HCN1: variants seen among roughly 807,000 people sequenced by gnomAD.
HCN1 encodes the protein hyperpolarization activated cyclic nucleotide gated potassium channel 1, also known as potassium/sodium hyperpolarization-activated cyclic nucleotide-gated channel 1.
A neutral mutation model predicts 78.9 loss-of-function variants in HCN1; 13 were observed. The observed-to-expected ratio is 0.16, with a 90% CI of 0.11 to 0.26. HCN1 has a LOEUF of 0.26. Ranked by LOEUF, HCN1 falls within the 10% of genes least tolerant of loss-of-function variation. The pLI, the probability that HCN1 is intolerant of heterozygous loss-of-function variation, is 1.00. For missense variants in HCN1, 810 were observed against 1,154.3 expected (o/e 0.70, Z 4.32); for synonymous variants, 552 against 455.5 (o/e 1.21, Z -2.70).
At chr5:45,266,729 G>C (rs1231295463) in intron 7 of HCN1, among the ~76,000 whole-genome samples, 1 of 145,032 alleles carries the variant, frequency 6.9e-6, no homozygotes, top group Non-Finnish European at 1.5e-5. Flanking sequence ...TTTTCTCTGA[G>C]ACAAGGTTTC....
chr5:45,296,964 G>A (rs775214813), intron 6 of HCN1, among the ~76,000 whole-genome samples: 4 of 151,826 alleles, frequency 2.6e-5, no homozygotes, highest in East Asian at 1.9e-4. Context: ...AGACCAGCTC[G>A]GTCAGGGAAA....
intron 5 of HCN1, among the ~76,000 whole-genome samples, chr5:45,352,294 A>G (rs921530558): frequency 1.3e-5 from 2 of 151,526 alleles, no homozygotes. Flanking sequence ...CGAACACCGC[A>G]TGTTCTCACT....
Position 45,267,078 on chromosome 5 carries a change from A to G in HCN1, c.1783+11T>C. On this transcript the variant is annotated intron_variant, in intron 7 of 7. Coordinates refer to ENST00000303230, the MANE Select transcript of HCN1 (RefSeq NM_021072.4). ...TAAATTTTATATAAAGAAGGTAGAA[A>G]ACTAGAGTACCTATTCGATCTAGTC... 1.2e-6 allele frequency: 2 copies of G among 1,603,490 alleles called. No homozygotes were observed. Among genetic ancestry groups the G allele is most frequent in the South Asian group, 2.2e-5 (2 of 90,886 alleles).
intron 6 of HCN1, among the ~76,000 whole-genome samples, chr5:45,278,233 T>A (rs1389671291): frequency 6.6e-6 from 1 of 152,052 alleles, no homozygotes; most frequent in African/African-American, 2.4e-5. Context: ...CTTCACTCGA[T>A]AGATTACAAT....
chr5:45,451,759 G>A (rs1740923765), intron 3 of HCN1, among the ~76,000 whole-genome samples: 2 of 151,750 alleles, frequency 1.3e-5, no homozygotes, highest in Admixed American at 1.3e-4. Flanking sequence ...CAAAAACATA[G>A]TTTCTGGAAA....
At position 45,258,195 on chromosome 5, in the gene HCN1, T is replaced by A. The variant is rs1460054734; in HGVS notation, c.*3726A>T. On this transcript the variant is annotated 3_prime_UTR_variant, in exon 8 of 8. Coordinates refer to ENST00000303230, the MANE Select transcript of HCN1 (RefSeq NM_021072.4). ...TGAAAGAGGAGGTATGGAGATTTTT[T>A]AAATAGTCCTGAAAGATAATAGAGA... 6.6e-6 allele frequency: 1 copy of A among 152,172 alleles called. No homozygotes were observed. Among genetic ancestry groups the A allele is most frequent in the African/African-American group, 2.4e-5 (1 of 41,454 alleles). 9.4% of individuals were successfully genotyped at this position (152,172 alleles called of 1,614,324 possible).
At chr5:45,326,537 G>A (rs1209395331) in intron 5 of HCN1, among the ~76,000 whole-genome samples, 4 of 151,464 alleles carry the variant, frequency 2.6e-5, no homozygotes. Context: ...TTAAATAATG[G>A]CAAACTTTAG....
At chr5:45,638,933 C>G (rs1436048515) in intron 2 of HCN1, among the ~76,000 whole-genome samples, 1 of 152,104 alleles carries the variant, frequency 6.6e-6, no homozygotes, top group African/African-American at 2.4e-5. Context: ...GAACTCATTA[C>G]ATTGTACATT....
At chr5:45,316,482 C>T (rs976895004) in intron 5 of HCN1, among the ~76,000 whole-genome samples, 1 of 152,170 alleles carries the variant, frequency 6.6e-6, no homozygotes, top group African/African-American at 2.4e-5. Flanking sequence ...AAACTGGAAG[C>T]ATTCCCTTTG....
intron 2 of HCN1, among the ~76,000 whole-genome samples, chr5:45,634,614 A>T (rs944484467): frequency 6.6e-6 from 1 of 151,938 alleles, no homozygotes; most frequent in African/African-American, 2.4e-5. Flanking sequence ...TTCCCAACAC[A>T]TTGGTAATTA....
At chr5:45,311,442 G>A (rs1013586743) in intron 5 of HCN1, among the ~76,000 whole-genome samples, 1 of 152,054 alleles carries the variant, frequency 6.6e-6, no homozygotes, top group Non-Finnish European at 1.5e-5. Flanking sequence ...TAGAAAATTT[G>A]TTTAAACATC....
chr5:45,380,042 G>A (rs1408342418), intron 4 of HCN1, among the ~76,000 whole-genome samples: 1 of 152,036 alleles, frequency 6.6e-6, no homozygotes, highest in Admixed American at 6.6e-5. Context: ...GGATCCATTT[G>A]TCTTAGTCCA....
At chr5:45,630,104 A>G (rs1185626800) in intron 2 of HCN1, among the ~76,000 whole-genome samples, 3 of 152,140 alleles carry the variant, frequency 2.0e-5, no homozygotes, top group Non-Finnish European at 4.4e-5. Context: ...CTTGGGAGGG[A>G]GATCATATGG....
chr5:45,358,416 A>G (rs1161160580), intron 4 of HCN1, among the ~76,000 whole-genome samples: 1 of 152,064 alleles, frequency 6.6e-6, no homozygotes, highest in Admixed American at 6.6e-5. Context: ...AATCCTTAAG[A>G]CATCACCAAA....
Position 45,434,434 on chromosome 5 carries a change from G to T in HCN1, c.1011+27412C>A, listed in dbSNP as rs528409882. ...AAAGACTATTTGCATGTTAGACAAA[G>T]CTTATTCAGTAGGAATCAAGATGGA... On this transcript the variant is annotated intron_variant, in intron 3 of 7. Coordinates refer to ENST00000303230, the MANE Select transcript of HCN1 (RefSeq NM_021072.4). Among the ~76,000 whole-genome samples the T allele has an allele frequency of 1.2e-3, 189 of 152,274 alleles. 1 individual carries two copies. The highest frequency in any genetic ancestry group is 4.4e-3 in the African/African-American group (184 of 41,552).
intron 2 of HCN1, among the ~76,000 whole-genome samples, chr5:45,607,375 A>T (rs1459434287): frequency 6.6e-6 from 1 of 151,648 alleles, no homozygotes; most frequent in Non-Finnish European, 1.5e-5. Flanking sequence ...GAAATCTCAA[A>T]TTTTTGCAAA....
intron 5 of HCN1, among the ~76,000 whole-genome samples, chr5:45,327,111 G>T (rs1403160926): frequency 2.0e-5 from 3 of 151,598 alleles, no homozygotes; most frequent in Non-Finnish European, 4.4e-5. Context: ...TTTGATTTTT[G>T]TAAGGTCCAG....
chr5:45,487,938 AAC>A (rs1229159257), intron 2 of HCN1, among the ~76,000 whole-genome samples: 1 of 152,122 alleles, frequency 6.6e-6, no homozygotes, highest in Non-Finnish European at 1.5e-5. Flanking sequence ...TAAATGATAA[AAC>A]ACAATGGATT....
chr5:45,610,112 G>T (rs1390449037), intron 2 of HCN1, among the ~76,000 whole-genome samples: 2 of 152,106 alleles, frequency 1.3e-5, no homozygotes, highest in Non-Finnish European at 2.9e-5. Flanking sequence ...GAAGAGCTTA[G>T]CAGTAATATA....
Sources: gnomAD v4.1 joint callset for allele counts (sites outside exome capture counted in the v4.1 genomes callset) on GRCh38, gnomAD v4.1.1 for gene constraint, MANE v1.5 for transcripts, NCBI Gene and HGNC (gene_info 2026-07-23, HGNC 2026-07-21) for gene names.